The following IFT74 variants were observed in gnomAD, a reference collection of about 807,000 sequenced individuals.
IFT74 encodes the protein intraflagellar transport 74.
Under a neutral mutation model 96.7 loss-of-function variants are expected in IFT74, and 92 were observed. The observed-to-expected ratio is 0.95, with a 90% CI of 0.80 to 1.13. The LOEUF (loss-of-function observed/expected upper bound fraction) is 1.13, where lower values mean the gene tolerates loss of function less well. Among genes scored for constraint, IFT74 ranks in the 50% most tolerant of loss-of-function variants. IFT74 has a pLI of 0.00. For missense variants in IFT74, 811 were observed against 698.2 expected (o/e 1.16, Z -1.82); for synonymous variants, 223 against 213.2 (o/e 1.05, Z -0.40).
At chr9:27,024,539 C>G (rs1219881103) in intron 12 of IFT74, among the ~76,000 whole-genome samples, 1 of 152,156 alleles carries the variant, frequency 6.6e-6, no homozygotes, top group Non-Finnish European at 1.5e-5. Context: ...TCAGATCTTT[C>G]TTCTGTCATA....
chr9:27,002,428 A>AGGTCTTAT (rs1302908427), intron 8 of IFT74, among the ~76,000 whole-genome samples: 4 of 152,192 alleles, frequency 2.6e-5, no homozygotes, highest in African/African-American at 9.7e-5. Flanking sequence ...TTATAGTTTG[A>AGGTCTTAT]GGTCTTATTA....
At chr9:27,057,220 C>T (rs1820206197) in intron 18 of IFT74, among the ~76,000 whole-genome samples, 1 of 152,088 alleles carries the variant, frequency 6.6e-6, no homozygotes. Flanking sequence ...CTTCTTAATT[C>T]ATATCTCCAA....
rs569354441 is a variant in IFT74 at position 26,968,434 on chromosome 9, A to G, written c.120+6347A>G. Among the ~76,000 whole-genome samples, 19 of 151,824 alleles carry G rather than the reference A, an allele frequency of 1.3e-4. 1 individual carries two copies. Among genetic ancestry groups the G allele is most frequent in the South Asian group, 1.2e-3 (6 of 4,810 alleles). On this transcript the variant is annotated intron_variant, in intron 2 of 19. Coordinates refer to ENST00000380062, the MANE Select transcript of IFT74 (RefSeq NM_025103.4). ...GTGCTACCACGTCTGGCTAATTTTT[A>G]TATTTTTAGTAGAGACTGGGTTTCA...
At chr9:27,047,071 G>T (rs539918618) in intron 14 of IFT74, among the ~76,000 whole-genome samples, 8 of 152,264 alleles carry the variant, frequency 5.3e-5, no homozygotes, top group Admixed American at 3.3e-4. Flanking sequence ...TACTCAGGAG[G>T]CTGAGGCAGG....
chr9:27,063,247 A>C lies in IFT74; in HGVS notation c.*511A>C, dbSNP rs148184782. ...AATGTCACAGGTAAATATATAACATATATTCTTTATATAGCAGTTATACCT... is the reference window on the plus strand; with the variant it reads ...AATGTCACAGGTAAATATATAACATCTATTCTTTATATAGCAGTTATACCT... On this transcript the variant is annotated 3_prime_UTR_variant, in exon 20 of 20. Transcript: ENST00000380062. 7.2e-5 allele frequency among the ~76,000 whole-genome samples: 11 copies of C among 152,262 alleles called. No homozygotes were observed. The highest frequency in any genetic ancestry group is 1.2e-4 in the Non-Finnish European group (8 of 67,990).
At chr9:27,006,561 C>T (rs532788072) in intron 8 of IFT74, among the ~76,000 whole-genome samples, 1 of 150,376 alleles carries the variant, frequency 6.6e-6, no homozygotes, top group South Asian at 2.1e-4. Context: ...TGTGCTACCA[C>T]AGTCTAGTCT....
upstream of IFT74, chr9:26,956,197 A>C (rs1264574928): frequency 1.3e-5 from 2 of 152,246 alleles, no homozygotes; most frequent in African/African-American, 4.8e-5. Flanking sequence ...ATTATCAAGA[A>C]AACCAAACGT....
chr9:27,003,874 T>C (rs572294352), intron 8 of IFT74, among the ~76,000 whole-genome samples: 1 of 152,282 alleles, frequency 6.6e-6, no homozygotes, highest in African/African-American at 2.4e-5. Flanking sequence ...TTACAAAAGG[T>C]AGTTTACCTA....
intron 15 of IFT74, among the ~76,000 whole-genome samples, chr9:27,047,596 T>C (rs936746925): frequency 5.9e-5 from 9 of 152,200 alleles, no homozygotes; most frequent in Non-Finnish European, 1.2e-4. Flanking sequence ...ATGTATAATA[T>C]CAATATTCAG....
intron 4 of IFT74, chr9:26,982,451 A>AT (rs56756518): frequency 0.14 from 29,572 of 213,994 alleles, 932 homozygotes; most frequent in African/African-American, 0.2. Context: ...TAATTTTTGT[A>AT]TTTTTTTTTT....
At chr9:26,950,200 T>A (rs1825887627) in intron 1 of IFT74, among the ~76,000 whole-genome samples, 1 of 151,754 alleles carries the variant, frequency 6.6e-6, no homozygotes, top group African/African-American at 2.4e-5. Context: ...TAGTCCCAGC[T>A]ACTCAGGAGG....
chr9:27,049,505 C>T (rs1422260233), intron 16 of IFT74, among the ~76,000 whole-genome samples: 3 of 152,082 alleles, frequency 2.0e-5, no homozygotes, highest in Admixed American at 2.0e-4. Context: ...GAAGGTGGTG[C>T]ATGAAATCAT....
intron 1 of IFT74, among the ~76,000 whole-genome samples, chr9:26,948,506 T>C (rs1688252005): frequency 7.7e-6 from 1 of 129,318 alleles, no homozygotes; most frequent in South Asian, 2.8e-4. Context: ...AGTGTCGCTC[T>C]GCTGCCAGGC....
At chr9:27,011,183 C>T (rs900542587) in intron 9 of IFT74, among the ~76,000 whole-genome samples, 6 of 151,970 alleles carry the variant, frequency 3.9e-5, no homozygotes, top group Non-Finnish European at 7.4e-5. Context: ...TCCCGGGAGG[C>T]GGAGGTTGCA....
intron 2 of IFT74, among the ~76,000 whole-genome samples, chr9:26,972,888 A>G (rs1031317715): frequency 3.7e-4 from 57 of 152,304 alleles, no homozygotes; most frequent in African/African-American, 1.3e-3. Context: ...GAATATGTAT[A>G]GAGAAGTCAC....
chr9:27,001,125 A>G (rs1250573523), intron 8 of IFT74, among the ~76,000 whole-genome samples: 2 of 152,142 alleles, frequency 1.3e-5, no homozygotes, highest in Non-Finnish European at 1.5e-5. Flanking sequence ...GTTGCCGCAA[A>G]TGACAGGATT....
rs186597019 is a variant in IFT74, at chr9:26,992,649, C to T, written c.587+2454C>T. 9.2e-5 allele frequency among the ~76,000 whole-genome samples: 14 copies of T among 151,702 alleles called. No homozygotes were observed. The East Asian group carries it at 1.7e-3, about 19-fold the overall frequency. ...CGGAGGGTTCAGTAAGCCGAGATTG[C>T]GCCACTACACTCCAGCCTGGGTGAC... On this transcript the variant is annotated intron_variant, in intron 8 of 19. Transcript: ENST00000380062.
intron 2 of IFT74, among the ~76,000 whole-genome samples, chr9:26,963,172 T>C (rs1826444940): frequency 6.6e-6 from 1 of 151,764 alleles, no homozygotes; most frequent in Non-Finnish European, 1.5e-5. Flanking sequence ...TGTGATCTCA[T>C]TGTTCAATTC....
At chr9:26,992,709 C>T (rs1388066689) in intron 8 of IFT74, among the ~76,000 whole-genome samples, 3 of 151,428 alleles carry the variant, frequency 2.0e-5, no homozygotes, top group Admixed American at 6.6e-5. Context: ...AAAAAAATAA[C>T]AAAAAGTATT....
Sources: gnomAD v4.1 joint callset for allele counts (sites outside exome capture counted in the v4.1 genomes callset) on GRCh38, gnomAD v4.1.1 for gene constraint, MANE v1.5 for transcripts, NCBI Gene and HGNC (gene_info 2026-07-23, HGNC 2026-07-21) for gene names.